Variants in TPR observed in about 807,000 individuals in gnomAD.
TPR encodes nucleoprotein TPR.
A neutral mutation model predicts 316.1 loss-of-function variants in TPR; 51 were observed. The observed-to-expected ratio is 0.16, with a 90% CI of 0.13 to 0.20. The LOEUF (loss-of-function observed/expected upper bound fraction) is 0.20, where lower values mean the gene tolerates loss of function less well. Ranked by LOEUF, TPR falls within the 10% of genes least tolerant of loss-of-function variation. TPR has a pLI of 1.00. For missense variants in TPR, 2,272 were observed against 2,754.8 expected, an observed-to-expected ratio of 0.82 and a Z score of 3.92; for synonymous variants, 981 against 914.7, an observed-to-expected ratio of 1.07 and a Z score of -1.31.
intron 1 of TPR, among the ~76,000 whole-genome samples, chr1:186,374,276 A>C (rs1198723712): frequency 6.6e-6 from 1 of 152,238 alleles, no homozygotes; most frequent in East Asian, 1.9e-4. Context: ...TTAAAGGCCT[A>C]CTTTAGGTAA....
At chr1:186,350,780 T>C (rs1041520277) in intron 20 of TPR, among the ~76,000 whole-genome samples, 27 of 152,310 alleles carry the variant, frequency 1.8e-4, no homozygotes, top group African/African-American at 6.3e-4. Flanking sequence ...CCTGGAGCTC[T>C]ACAGAGGGTC....
intron 49 of TPR, among the ~76,000 whole-genome samples, chr1:186,316,919 T>C (rs565518390): frequency 1.3e-5 from 2 of 152,386 alleles, no homozygotes; most frequent in Admixed American, 1.3e-4. Context: ...ATAATACATA[T>C]CTTTTTTTCA....
chr1:186,336,336 C>T (rs1054722691), intron 33 of TPR, among the ~76,000 whole-genome samples, 160 bp downstream of exon 33: 1 of 152,124 alleles, frequency 6.6e-6, no homozygotes, highest in Non-Finnish European at 1.5e-5. Context: ...ATTAGGATTG[C>T]TCTTTGTGTC....
Position 186,335,506 on chromosome 1 carries a change from A to C in TPR, c.4743T>G (p.Leu1581=). 6.2e-7 allele frequency: 1 copy of C among 1,609,868 alleles called. No individual in the cohort carries two copies. Among genetic ancestry groups the C allele is most frequent in the South Asian group, 1.1e-5 (1 of 90,156 alleles). The change falls in exon 34 of 51, where the codon CTT becomes CTG. Residue 1581 remains leucine (L), a synonymous_variant. Transcript: ENST00000367478. ...GATCTAAGGCTCCATTCCTTTGTTT[A>C]AGCTCCTCATTTTCTTTAGTTAGCT... The part of the protein sequence containing the change: ...KDQLTKENEE[L]KQRNGALDQQ...
intron 39 of TPR, among the ~76,000 whole-genome samples, chr1:186,329,544 T>A (rs1459713085): frequency 6.6e-6 from 1 of 152,174 alleles, no homozygotes; most frequent in Non-Finnish European, 1.5e-5. Context: ...ATATTTTTAA[T>A]AGTTTTGTGT....
intron 6 of TPR, among the ~76,000 whole-genome samples, 175 bp from the exon 7 acceptor site, chr1:186,362,555 G>C (rs1659227927): frequency 1.3e-5 from 2 of 151,950 alleles, no homozygotes; most frequent in African/African-American, 4.8e-5. Context: ...ACAATGTTTA[G>C]ATTTAGCTCA....
chr1:186,362,507 A>G (rs1659226339), intron 6 of TPR, 127 bp from the exon 7 acceptor site: 9 of 718,136 alleles, frequency 1.3e-5, no homozygotes, highest in Admixed American at 3.0e-5. Context: ...CAATTAAAAT[A>G]TGCATATTTA....
Position 186,350,200 on chromosome 1 carries a change from A to G in TPR, c.2776+23T>C, listed in dbSNP as rs1206104519. 3 of 1,575,462 alleles carry G rather than the reference A, an allele frequency of 1.9e-6. No homozygotes were observed. In the African/African-American group the frequency reaches 4.1e-5, roughly 22 times the overall value. Reference sequence around the variant, plus strand: ...GAAGTACTTGTTTATTTACAATTATATTGGTCTACTTATTTTATTTACCTT... The same window carrying G: ...GAAGTACTTGTTTATTTACAATTATGTTGGTCTACTTATTTTATTTACCTT... On this transcript the variant is annotated intron_variant, in intron 21 of 50. Transcript: ENST00000367478.
At chr1:186,345,548 A>C (rs372496920) in intron 24 of TPR, 32 bp downstream of exon 24, 26 of 1,480,194 alleles carry the variant, frequency 1.8e-5, no homozygotes, top group Non-Finnish European at 2.4e-5. Context: ...TCTAGGATCG[A>C]AGCTCATTTC....
chr1:186,373,894 T>C (rs555480794), intron 1 of TPR, among the ~76,000 whole-genome samples: 1 of 152,328 alleles, frequency 6.6e-6, no homozygotes, highest in South Asian at 2.1e-4. Context: ...AACTACTAAA[T>C]ATATGTAAAA....
Position 186,363,433 on chromosome 1 carries a change from C to T in TPR, c.440G>A (p.Arg147His), listed in dbSNP as rs373620741. The change falls in exon 5 of 51, where the codon CGT becomes CAT. Residue 147 changes from arginine to histidine, a missense_variant. Coordinates refer to ENST00000367478, the MANE Select transcript of TPR (RefSeq NM_003292.3). The part of the protein sequence containing the change: ...ELEYLTEDVK[R>H]LNEKLKESNT... ...GCTTTCTTTAAGTTTTTCATTCAGA[C>T]GTTTAACATCCTCTAGAATGGTGAA... The T allele has an allele frequency of 3.2e-5, 52 of 1,607,516 alleles. No homozygotes were observed. Among genetic ancestry groups the T allele is most frequent in the Non-Finnish European group, 3.6e-5 (42 of 1,174,956 alleles).
chr1:186,347,046 C>T (rs1360121782), intron 22 of TPR, among the ~76,000 whole-genome samples: 2 of 152,158 alleles, frequency 1.3e-5, no homozygotes, highest in Non-Finnish European at 2.9e-5. Flanking sequence ...AAATAACAAT[C>T]CCTACCTCTC....
intron 14 of TPR, 141 bp from the exon 15 acceptor site, chr1:186,356,590 AT>A: frequency 1.3e-6 from 1 of 765,708 alleles, no homozygotes; most frequent in Non-Finnish European, 2.0e-6. Context: ...CATGCTGAGT[AT>A]TTTATGAACT....
chr1:186,341,504 T>C, intron 27 of TPR, 115 bp from the exon 28 acceptor site: 1 of 1,181,898 alleles, frequency 8.5e-7, no homozygotes, highest in Non-Finnish European at 1.1e-6. Context: ...AGTTTCAACT[T>C]TTAGAACTAA....
chr1:186,326,417 T>G (rs1215810052), intron 40 of TPR, among the ~76,000 whole-genome samples, 182 bp from the exon 41 acceptor site: 1 of 152,150 alleles, frequency 6.6e-6, no homozygotes, highest in Non-Finnish European at 1.5e-5. Context: ...TTACTGGAAT[T>G]AGTGCAATAA....
intron 2 of TPR, among the ~76,000 whole-genome samples, chr1:186,372,211 GT>G (rs1342091219): frequency 1.3e-5 from 2 of 152,298 alleles, no homozygotes; most frequent in East Asian, 3.9e-4. Flanking sequence ...AACTTCCTGT[GT>G]TCCTTCTCCA....
chr1:186,372,576 T>C (rs1469861697), intron 2 of TPR, among the ~76,000 whole-genome samples: 1 of 152,064 alleles, frequency 6.6e-6, no homozygotes, highest in African/African-American at 2.4e-5. Context: ...AATTACACCT[T>C]TATAGAGATC....
At chr1:186,347,204 A>T in intron 22 of TPR, 88 bp downstream of exon 22, 4 of 1,406,586 alleles carry the variant, frequency 2.8e-6, no homozygotes, top group Non-Finnish European at 3.9e-6. Flanking sequence ...AATTCATACG[A>T]GTGCCTTAAA....
chr1:186,335,167 A>G (rs1658300703), intron 34 of TPR, 38 bp from the exon 35 acceptor site: 1 of 1,580,626 alleles, frequency 6.3e-7, no homozygotes, highest in Non-Finnish European at 8.6e-7. Flanking sequence ...TTCCTAGCCC[A>G]CAAGAGTCCA....
Sources: gnomAD v4.1 joint callset for allele counts (sites outside exome capture counted in the v4.1 genomes callset) on GRCh38, gnomAD v4.1.1 for gene constraint, MANE v1.5 for transcripts, NCBI Gene and HGNC (gene_info 2026-07-23, HGNC 2026-07-21) for gene names.